Variants in TMEM132D observed in about 807,000 individuals in gnomAD.
TMEM132D encodes the protein transmembrane protein 132D, also known as mature OL transmembrane protein.
A neutral mutation model predicts 62.3 loss-of-function variants in TMEM132D; 21 were observed. That is an observed-to-expected ratio of 0.34 (90% confidence interval 0.24 to 0.49). TMEM132D has a LOEUF of 0.49. Among genes scored for constraint, TMEM132D ranks in the 20% least tolerant of loss-of-function variants. The pLI is 0.99. For missense variants in TMEM132D, 1,346 were observed against 1,402.8 expected (o/e 0.96, Z 0.65); for synonymous variants, 621 against 575.6 (o/e 1.08, Z -1.13).
At chr12:129,837,138 A>G (rs183911822) in intron 1 of TMEM132D, among the ~76,000 whole-genome samples, 25 of 152,316 alleles carry the variant, frequency 1.6e-4, no homozygotes, top group Non-Finnish European at 2.9e-4. Context: ...TAATTATGTA[A>G]TCCAGGCAGT....
At chr12:129,449,253 G>A (rs540391710) in intron 3 of TMEM132D, among the ~76,000 whole-genome samples, 47 of 152,286 alleles carry the variant, frequency 3.1e-4, no homozygotes, top group African/African-American at 1.1e-3. Flanking sequence ...TTACCTACTC[G>A]ATGATATAAA....
At chr12:129,688,765 C>A (rs146545780) in intron 2 of TMEM132D, among the ~76,000 whole-genome samples, 326 of 151,736 alleles carry the variant, frequency 2.1e-3, no homozygotes, top group African/African-American at 5.2e-3. Flanking sequence ...ATGGAGCAGA[C>A]CTTCTAGGGA....
At chr12:129,763,862 C>T (rs1182858214) in intron 1 of TMEM132D, among the ~76,000 whole-genome samples, 3 of 152,140 alleles carry the variant, frequency 2.0e-5, no homozygotes, top group African/African-American at 4.8e-5. Context: ...AACGTAAGTG[C>T]TCAGGTAAAG....
intron 1 of TMEM132D, among the ~76,000 whole-genome samples, chr12:129,811,889 C>T (rs546742408): frequency 1.3e-5 from 2 of 151,778 alleles, no homozygotes; most frequent in East Asian, 2.0e-4. Flanking sequence ...GGGATTCTTC[C>T]GCAGCTTCAG....
chr12:129,434,497 A>C (rs1452552811), intron 3 of TMEM132D, among the ~76,000 whole-genome samples: 1 of 152,170 alleles, frequency 6.6e-6, no homozygotes, highest in Non-Finnish European at 1.5e-5. Context: ...AATTCTTAAA[A>C]CACAGCCTGA....
At position 129,523,109 on chromosome 12, in the gene TMEM132D, C is replaced by T. The variant is rs1007189213; in HGVS notation, c.1115+7950G>A. On this transcript the variant is annotated intron_variant, in intron 3 of 8. Transcript: ENST00000422113. Reference sequence around the variant, plus strand: ...CTGCACATGTGTGCATACACACGCACGTGCACACACACACACACAGACACA... The same window carrying T: ...CTGCACATGTGTGCATACACACGCATGTGCACACACACACACACAGACACA... 3.6e-5 allele frequency among the ~76,000 whole-genome samples: 4 copies of T among 111,510 alleles called. No homozygotes were observed. The East Asian group carries it at 9.3e-4, about 26-fold the overall frequency. 73.2% of individuals were successfully genotyped at this position (111,510 alleles called of 152,430 possible). A position where few individuals can be genotyped will look rare whatever the true frequency, so the allele number is the denominator to read the frequency against.
At chr12:129,160,427 T>C (rs1224622821) in intron 5 of TMEM132D, among the ~76,000 whole-genome samples, 1 of 152,248 alleles carries the variant, frequency 6.6e-6, no homozygotes, top group Non-Finnish European at 1.5e-5. Flanking sequence ...CTCAAGACTT[T>C]AGTTTGCATT....
At chr12:129,130,243 CA>C (rs1876335122) in intron 5 of TMEM132D, among the ~76,000 whole-genome samples, 1 of 152,028 alleles carries the variant, frequency 6.6e-6, no homozygotes. Flanking sequence ...TGAAGAAAAC[CA>C]CCCCACCCAA....
At chr12:129,614,111 G>A (rs937208922) in intron 2 of TMEM132D, among the ~76,000 whole-genome samples, 4 of 150,716 alleles carry the variant, frequency 2.7e-5, no homozygotes, top group Non-Finnish European at 4.4e-5. Flanking sequence ...TAACCTAGGC[G>A]ACTGTCTCCA....
At chr12:129,670,352 C>T (rs972513753) in intron 2 of TMEM132D, among the ~76,000 whole-genome samples, 2 of 152,144 alleles carry the variant, frequency 1.3e-5, no homozygotes, top group African/African-American at 4.8e-5. Flanking sequence ...GGGAGTTATG[C>T]AGCTGGAGGC....
At chr12:129,183,351 C>T (rs1289081849) in intron 5 of TMEM132D, among the ~76,000 whole-genome samples, 1 of 152,234 alleles carries the variant, frequency 6.6e-6, no homozygotes, top group African/African-American at 2.4e-5. Context: ...CAAGAGCCTG[C>T]TCATCCGTCA....
In TMEM132D at chr12:129,081,914, G is replaced by T. The variant is rs752682400; in HGVS notation, c.1768C>A (p.Pro590Thr). The change falls in exon 7 of 9, where the codon CCT becomes ACT. Residue 590 changes from proline (P) to threonine (T), a missense_variant. Physicochemically the swap from Pro to Thr is conservative, Grantham distance 38. Transcript: ENST00000422113. Reference sequence around the variant, plus strand: ...AGCAGGTGGGCCAGGTGTCCCCCAGGGCCGGCCGCCTCAGCCACAAACTGC... The same window carrying T: ...AGCAGGTGGGCCAGGTGTCCCCCAGTGCCGGCCGCCTCAGCCACAAACTGC... ...LTQFVAEAAG[P>T]GGHLAHLLGS... 6.2e-7 allele frequency: 1 copy of T among 1,614,000 alleles called. No individual in the cohort carries two copies. Among genetic ancestry groups the T allele is most frequent in the Non-Finnish European group, 8.5e-7 (1 of 1,180,014 alleles).
At chr12:129,256,220 A>G (rs1880395483) in intron 4 of TMEM132D, among the ~76,000 whole-genome samples, 1 of 151,736 alleles carries the variant, frequency 6.6e-6, no homozygotes, top group South Asian at 2.1e-4. Flanking sequence ...ATACGATTAT[A>G]CTATCTGCAA....
intron 2 of TMEM132D, among the ~76,000 whole-genome samples, chr12:129,567,523 G>T (rs1054610700): frequency 1.3e-5 from 2 of 152,162 alleles, no homozygotes; most frequent in African/African-American, 2.4e-5. Flanking sequence ...AGGCTGAATA[G>T]TCTAACTATA....
Position 129,125,806 on chromosome 12 carries a change from T to C in TMEM132D, c.1444-41104A>G, listed in dbSNP as rs78916106. The stretch of plus-strand genomic sequence containing the variant: ...TTCTAAATACTCACTCTTGACTCTG[T>C]ACCTGCTGCATTGAGCACCAGTCAT... On this transcript the variant is annotated intron_variant, in intron 5 of 8. Coordinates refer to ENST00000422113, the MANE Select transcript of TMEM132D (RefSeq NM_133448.3). 5.1e-3 allele frequency among the ~76,000 whole-genome samples: 782 copies of C among 152,226 alleles called. 28 individuals are homozygous for C. Among genetic ancestry groups the C allele is most frequent in the East Asian group, 0.035 (179 of 5,176 alleles).
At chr12:129,479,693 G>T (rs1343471053) in intron 3 of TMEM132D, among the ~76,000 whole-genome samples, 1 of 152,194 alleles carries the variant, frequency 6.6e-6, no homozygotes, top group Non-Finnish European at 1.5e-5. Context: ...AAGAACGCTG[G>T]GGGTGATGTG....
chr12:129,786,953 A>T (rs1593161321), intron 1 of TMEM132D, among the ~76,000 whole-genome samples: 1 of 151,964 alleles, frequency 6.6e-6, no homozygotes, highest in African/African-American at 2.4e-5. Flanking sequence ...AAACAGTGAC[A>T]GCATGAGCTC....
At chr12:129,870,268 C>A (rs1289499450) in intron 1 of TMEM132D, among the ~76,000 whole-genome samples, 3 of 152,164 alleles carry the variant, frequency 2.0e-5, no homozygotes, top group Non-Finnish European at 4.4e-5. Flanking sequence ...CAGGCATGAG[C>A]CACCATGCCA....
chr12:129,327,209 A>G (rs1868944302), intron 4 of TMEM132D, among the ~76,000 whole-genome samples: 1 of 152,166 alleles, frequency 6.6e-6, no homozygotes, highest in African/African-American at 2.4e-5. Context: ...AGCAGAAGCC[A>G]GTGGGCGGGG....
Sources: allele counts gnomAD v4.1 joint callset (sites outside exome capture counted in the v4.1 genomes callset), GRCh38; gene constraint gnomAD v4.1.1; transcripts MANE v1.5; gene names NCBI Gene and HGNC (gene_info 2026-07-23, HGNC 2026-07-21).